The following LRFN5 variants were observed in gnomAD, a reference collection of about 807,000 sequenced individuals.
LRFN5 encodes the protein leucine-rich repeat and fibronectin type-III domain-containing protein 5.
In LRFN5, 24 loss-of-function variants were observed where a neutral mutation model predicts 45.6. The ratio of observed to expected loss-of-function variants is 0.53; its 90% CI spans 0.38 to 0.74. The LOEUF is 0.74. LRFN5 is among the 30% of genes least tolerant of loss of function. LRFN5 has a pLI of 0.00. For synonymous variants in LRFN5, 340 were observed against 313.8 expected (o/e 1.08, Z -0.88); for missense variants, 776 against 861.5 (o/e 0.90, Z 1.24).
At chr14:41,728,372 G>T (rs1194421879) in intron 1 of LRFN5, among the ~76,000 whole-genome samples, 1 of 152,112 alleles carries the variant, frequency 6.6e-6, no homozygotes, top group Admixed American at 6.6e-5. Context: ...TTACGTGTCT[G>T]AGCCTCCTAT....
chr14:41,774,128 A>C (rs770602773), intron 2 of LRFN5, among the ~76,000 whole-genome samples: 32 of 152,196 alleles, frequency 2.1e-4, no homozygotes, highest in Non-Finnish European at 4.0e-4. Context: ...TGTAACTTGG[A>C]GAGTACTCTT....
intron 1 of LRFN5, among the ~76,000 whole-genome samples, chr14:41,764,206 C>G (rs916693381): frequency 2.6e-5 from 4 of 152,090 alleles, no homozygotes; most frequent in Non-Finnish European, 4.4e-5. Context: ...AGATATAAGA[C>G]ATTTCATAGA....
chr14:41,903,242 C>A (rs566353444), intron 5 of LRFN5, among the ~76,000 whole-genome samples: 162 of 151,376 alleles, frequency 1.1e-3, no homozygotes, highest in Non-Finnish European at 1.4e-3. Flanking sequence ...ACTTTAATAA[C>A]TTTATCACAT....
At chr14:41,704,430 C>CTG (rs1265063122) in intron 1 of LRFN5, among the ~76,000 whole-genome samples, 3 of 40,122 alleles carry the variant, frequency 7.5e-5, no homozygotes, top group Middle Eastern at 0.012. Flanking sequence ...CTCTCTCTCT[C>CTG]TCTCTCTCTC....
chr14:41,887,102 A>G lies in LRFN5; in HGVS notation c.477A>G (p.Leu159=). The change falls in exon 3 of 6, where the codon CTA becomes CTG. Residue 159 remains leucine (L), a synonymous_variant. Coordinates refer to ENST00000298119, the MANE Select transcript of LRFN5 (RefSeq NM_152447.5). This position sits in a 1 kb window ranked among gnomAD's most constrained non-coding sequence, Gnocchi z 4.8. The stretch of plus-strand genomic sequence containing the variant: ...AGCTGGATCTGTCCTATAATAATCT[A>G]GAAACCATTCCTTGGGATGCTGTTG... ...LEELDLSYNN[L]ETIPWDAVEK... 5.0e-6 allele frequency: 8 copies of G among 1,614,000 alleles called. No individual in the cohort carries two copies. Among genetic ancestry groups the G allele is most frequent in the East Asian group, 4.5e-5 (2 of 44,886 alleles).
intron 2 of LRFN5, among the ~76,000 whole-genome samples, chr14:41,874,314 C>T (rs1286420663): frequency 6.6e-6 from 1 of 152,134 alleles, no homozygotes; most frequent in African/African-American, 2.4e-5. Context: ...TTCTGGCCTT[C>T]ACTGAGATTC....
intron 1 of LRFN5, among the ~76,000 whole-genome samples, chr14:41,724,451 A>G (rs1452220294): frequency 6.6e-6 from 1 of 152,188 alleles, no homozygotes; most frequent in African/African-American, 2.4e-5. Flanking sequence ...TGTCATTACC[A>G]ACTAGCTAAT....
chr14:41,879,314 A>G (rs1453674049), intron 2 of LRFN5, among the ~76,000 whole-genome samples: 1 of 151,962 alleles, frequency 6.6e-6, no homozygotes, highest in Non-Finnish European at 1.5e-5. Flanking sequence ...CTTCCTTTGG[A>G]GCAAATATTT....
intron 2 of LRFN5, among the ~76,000 whole-genome samples, chr14:41,791,768 G>A (rs1886929876): frequency 6.6e-6 from 1 of 152,104 alleles, no homozygotes; most frequent in Non-Finnish European, 1.5e-5. Context: ...ACTGCTGCAA[G>A]AGATGAGATA....
intron 1 of LRFN5, among the ~76,000 whole-genome samples, chr14:41,732,023 G>T (rs913004534): frequency 1.3e-5 from 2 of 152,156 alleles, no homozygotes; most frequent in Admixed American, 6.6e-5. Context: ...TTCAGAATAT[G>T]TCTGATATAA....
chr14:41,855,810 T>A (rs778412700), intron 2 of LRFN5, among the ~76,000 whole-genome samples: 2 of 152,190 alleles, frequency 1.3e-5, no homozygotes, highest in African/African-American at 2.4e-5. Flanking sequence ...AAAACTGTTT[T>A]ACCTCTTAGG....
intron 1 of LRFN5, among the ~76,000 whole-genome samples, chr14:41,746,030 T>A (rs1364328152): frequency 1.3e-5 from 2 of 151,942 alleles, no homozygotes; most frequent in East Asian, 3.9e-4. Flanking sequence ...GGTAGCAAAG[T>A]CAAAGGAAGA....
At chr14:41,779,118 A>C (rs535620925) in intron 2 of LRFN5, among the ~76,000 whole-genome samples, 1 of 151,892 alleles carries the variant, frequency 6.6e-6, no homozygotes. Context: ...ATTATAGGGT[A>C]TATATTAGCT....
intron 1 of LRFN5, among the ~76,000 whole-genome samples, chr14:41,622,246 T>C (rs1888162670): frequency 6.6e-6 from 1 of 152,080 alleles, no homozygotes; most frequent in Non-Finnish European, 1.5e-5. Context: ...GGTTTGATAA[T>C]TAGTGTTTCC....
intron 2 of LRFN5, among the ~76,000 whole-genome samples, chr14:41,769,031 T>G (rs1885987628): frequency 6.6e-6 from 1 of 152,060 alleles, no homozygotes; most frequent in African/African-American, 2.4e-5. Context: ...TCTCTATTTT[T>G]TCTTTGGAGT....
intron 1 of LRFN5, among the ~76,000 whole-genome samples, chr14:41,620,729 A>T (rs1013231411): frequency 2.0e-5 from 3 of 152,016 alleles, no homozygotes; most frequent in Non-Finnish European, 4.4e-5. Flanking sequence ...TGTGTAATCG[A>T]TGGCCAAGTT....
Position 41,879,916 on chromosome 14 carries a change from CTTTT to C in LRFN5, c.-20-6667_-20-6664del, listed in dbSNP as rs34553310. ...ATTATCTTGCAGGGATCAATTTTTCCTTTTTTTTTTTTTTTTTTTTTTTTTTAAC... is the reference window on the plus strand; with the variant it reads ...ATTATCTTGCAGGGATCAATTTTTCCTTTTTTTTTTTTTTTTTTTTTTAAC... On this transcript the variant is annotated intron_variant, in intron 2 of 5. Coordinates refer to ENST00000298119, the MANE Select transcript of LRFN5 (RefSeq NM_152447.5). 9.4e-3 allele frequency among the ~76,000 whole-genome samples: 533 copies of C among 56,466 alleles called. 9 individuals carry two copies. Among genetic ancestry groups the C allele is most frequent in the African/African-American group, 0.035 (472 of 13,506 alleles). 37.0% of individuals were successfully genotyped at this position (56,466 alleles called of 152,430 possible).
chr14:41,829,938 G>A (rs1371583443), intron 2 of LRFN5, among the ~76,000 whole-genome samples: 1 of 150,910 alleles, frequency 6.6e-6, no homozygotes, highest in Non-Finnish European at 1.5e-5. Flanking sequence ...AAACTATTTA[G>A]AGCTTTGGAT....
chr14:41,718,253 C>CA (rs1883570859), intron 1 of LRFN5, among the ~76,000 whole-genome samples: 1 of 152,098 alleles, frequency 6.6e-6, no homozygotes, highest in African/African-American at 2.4e-5. Context: ...TAATGCCTGA[C>CA]AAATAGATTC....
Sources: allele counts gnomAD v4.1 joint callset (sites outside exome capture counted in the v4.1 genomes callset), GRCh38; gene constraint gnomAD v4.1.1; non-coding constraint Gnocchi (gnomAD v3.1); transcripts MANE v1.5; gene names NCBI Gene and HGNC (gene_info 2026-07-23, HGNC 2026-07-21).